The following ADD1 variants were observed in gnomAD, a reference collection of about 807,000 sequenced individuals.
ADD1 encodes alpha-adducin.
A neutral mutation model predicts 80.5 loss-of-function variants in ADD1; 24 were observed. The ratio of observed to expected loss-of-function variants is 0.30; its 90% confidence interval spans 0.22 to 0.42. The LOEUF (loss-of-function observed/expected upper bound fraction) is 0.42, where lower values mean the gene tolerates loss of function less well. ADD1 is among the 10% of genes least tolerant of loss of function. ADD1 has a pLI of 1.00. For synonymous variants in ADD1, 373 were observed against 393.8 expected, an observed-to-expected ratio of 0.95 and a Z score of 0.63; for missense variants, 948 against 1,019.0, an observed-to-expected ratio of 0.93 and a Z score of 0.95.
chr4:2,899,899 CA>C (rs1406974215), intron 9 of ADD1: 1 of 277,880 alleles, frequency 3.6e-6, no homozygotes, highest in African/African-American at 2.3e-5. Context: ...CTGCTTATTG[CA>C]GGGACACAGA....
chr4:2,853,429 A>G (rs1350993596), intron 1 of ADD1, among the ~76,000 whole-genome samples: 1 of 152,102 alleles, frequency 6.6e-6, no homozygotes, highest in Non-Finnish European at 1.5e-5. Flanking sequence ...GTTTAAGGCT[A>G]TATAGCTCTC....
At position 2,929,154 on chromosome 4, in the gene ADD1, G is replaced by C. The variant is rs948853852; in HGVS notation, c.*631G>C. The C allele has an allele frequency of 2.6e-5, 4 of 152,202 alleles. No individual in the cohort carries two copies. The highest frequency in any genetic ancestry group is 9.7e-5 in the African/African-American group (4 of 41,440). The allele number at this position is 152,202 out of a possible 1,614,324, so 9.4% of individuals were successfully genotyped here. A position where few individuals can be genotyped will look rare whatever the true frequency, so the allele number is the denominator to read the frequency against. On this transcript the variant is annotated 3_prime_UTR_variant, in exon 16 of 16. Transcript: ENST00000683351. ...TGTCTGACCGACGATCCCTCGACCA[G>C]AATCAGATTCAGGAGCTCAGTTTCT...
intron 9 of ADD1, chr4:2,901,422 T>C (rs977277315): frequency 3.9e-5 from 6 of 152,104 alleles, no homozygotes; most frequent in Admixed American, 1.3e-4. Context: ...GGAAGGAAGA[T>C]AAGGATGAAT....
chr4:2,889,227 A>T (rs1446590921), intron 4 of ADD1, among the ~76,000 whole-genome samples: 1 of 152,188 alleles, frequency 6.6e-6, no homozygotes, highest in African/African-American at 2.4e-5. Context: ...ATTGCAGCTC[A>T]GCGGGGTGGG....
intron 1 of ADD1, among the ~76,000 whole-genome samples, chr4:2,870,031 T>C (rs1730179155): frequency 6.6e-6 from 1 of 152,246 alleles, no homozygotes; most frequent in East Asian, 1.9e-4. Context: ...ATGGCTCTCT[T>C]CTTCCTAGTT....
chr4:2,907,863 C>G lies in ADD1; in HGVS notation c.1608+19C>G. The G allele has an allele frequency of 1.2e-6, 2 of 1,600,862 alleles. No homozygotes were observed. The highest frequency in any genetic ancestry group is 1.7e-6 in the Non-Finnish European group (2 of 1,168,502). On this transcript the variant is annotated intron_variant, in intron 11 of 15. Transcript: ENST00000683351. ...GAACAAGGTGCGTCCTGCGTCGGCACTCAGCGGGGGCTTGGGTGTGGGATT... is the reference window on the plus strand; with the variant it reads ...GAACAAGGTGCGTCCTGCGTCGGCAGTCAGCGGGGGCTTGGGTGTGGGATT...
intron 3 of ADD1, among the ~76,000 whole-genome samples, chr4:2,883,440 G>T (rs769372281): frequency 6.6e-6 from 1 of 151,884 alleles, no homozygotes; most frequent in African/African-American, 2.4e-5. Flanking sequence ...TGAACTTTGT[G>T]AAATGCTTCT....
chr4:2,858,902 A>G (rs1461695183), intron 1 of ADD1, among the ~76,000 whole-genome samples: 1 of 152,170 alleles, frequency 6.6e-6, no homozygotes, highest in Non-Finnish European at 1.5e-5. Context: ...TACATTTATT[A>G]TTTCTAATTG....
chr4:2,880,683 G>C (rs368401407), intron 2 of ADD1, among the ~76,000 whole-genome samples: 5 of 151,832 alleles, frequency 3.3e-5, no homozygotes, highest in African/African-American at 1.2e-4. Flanking sequence ...CACCATGTTA[G>C]CCAGGATGGT....
At chr4:2,845,238 A>G (rs548058061) in intron 1 of ADD1, among the ~76,000 whole-genome samples, 126 of 152,124 alleles carry the variant, frequency 8.3e-4, no homozygotes, top group African/African-American at 2.8e-3. Context: ...ACGCCCAGCT[A>G]ATTTTTGTAT....
intron 1 of ADD1, among the ~76,000 whole-genome samples, chr4:2,866,760 C>T (rs1729617071): frequency 6.6e-6 from 1 of 152,052 alleles, no homozygotes; most frequent in South Asian, 2.1e-4. Flanking sequence ...TTTGAGCCGG[C>T]CATTTATTTA....
At chr4:2,859,574 C>G (rs539142251) in intron 1 of ADD1, among the ~76,000 whole-genome samples, 3 of 152,310 alleles carry the variant, frequency 2.0e-5, no homozygotes, top group Admixed American at 6.5e-5. Flanking sequence ...TTTCTACACT[C>G]CAGCCTTGGC....
chr4:2,846,320 C>T (rs934846035), intron 1 of ADD1, among the ~76,000 whole-genome samples: 2 of 152,142 alleles, frequency 1.3e-5, no homozygotes, highest in African/African-American at 4.8e-5. Context: ...TACTCTGTGG[C>T]ATAGTTTCAC....
In ADD1 at chr4:2,876,264, G is replaced by T. The variant is rs577702415; in HGVS notation, c.195+154G>T. ...CGTATATGGTTGTTGAAAGAATTCAGTTCAGTTCATGTTATCAGACATCAT... is the reference window on the plus strand; with the variant it reads ...CGTATATGGTTGTTGAAAGAATTCATTTCAGTTCATGTTATCAGACATCAT... On this transcript the variant is annotated intron_variant, in intron 2 of 15. Transcript: ENST00000683351. 26 of 604,920 alleles carry T rather than the reference G, an allele frequency of 4.3e-5. No individual in the cohort carries two copies. In the African/African-American group the frequency reaches 4.3e-4, roughly 10 times the overall value. The allele number at this position is 604,920 out of a possible 1,614,324, so 37.5% of individuals were successfully genotyped here.
intron 14 of ADD1, among the ~76,000 whole-genome samples, chr4:2,918,268 C>G (rs890272758): frequency 6.6e-6 from 1 of 152,150 alleles, no homozygotes; most frequent in Non-Finnish European, 1.5e-5. Flanking sequence ...GTATTTTATT[C>G]TCTTTGTAGC....
chr4:2,875,224 G>A (rs1293017865), intron 1 of ADD1, among the ~76,000 whole-genome samples: 4 of 151,788 alleles, frequency 2.6e-5, no homozygotes, highest in Non-Finnish European at 5.9e-5. Context: ...ACAAGACCCT[G>A]TTCCCCTCCC....
At chr4:2,846,477 A>G (rs1726214317) in intron 1 of ADD1, among the ~76,000 whole-genome samples, 1 of 152,340 alleles carries the variant, frequency 6.6e-6, no homozygotes, top group Middle Eastern at 3.4e-3. Flanking sequence ...CAGTCATTTC[A>G]GCAAGCATTG....
intron 6 of ADD1, among the ~76,000 whole-genome samples, chr4:2,897,220 T>A (rs1410363882): frequency 2.0e-5 from 3 of 152,054 alleles, no homozygotes; most frequent in Admixed American, 6.6e-5. Context: ...CCTGTTACTT[T>A]AGGGTCATAA....
intron 9 of ADD1, chr4:2,901,972 G>T (rs1736274098): frequency 6.6e-6 from 1 of 150,568 alleles, no homozygotes; most frequent in Admixed American, 6.6e-5. Context: ...CTAGGCTGGT[G>T]TTGAACTCCT....
Sources: gnomAD v4.1 joint callset for allele counts (sites outside exome capture counted in the v4.1 genomes callset) on GRCh38, gnomAD v4.1.1 for gene constraint, MANE v1.5 for transcripts, NCBI Gene and HGNC (gene_info 2026-07-23, HGNC 2026-07-21) for gene names.